PLCB4: variants seen among roughly 807,000 people sequenced by gnomAD.
PLCB4 encodes 1-phosphatidylinositol 4,5-bisphosphate phosphodiesterase beta-4.
A neutral mutation model predicts 178.8 loss-of-function variants in PLCB4; 77 were observed. That is an observed-to-expected ratio of 0.43 (90% CI 0.36 to 0.52). PLCB4 has a LOEUF of 0.52. PLCB4 is among the 20% of genes least tolerant of loss of function. The probability of loss-of-function intolerance (pLI) is 0.00; values close to 1 mark genes in which losing one functional copy is unlikely to be tolerated. For missense variants in PLCB4, 1,024 were observed against 1,453.4 expected (o/e 0.70, Z 4.80); for synonymous variants, 496 against 490.8 (o/e 1.01, Z -0.14).
intron 2 of PLCB4, among the ~76,000 whole-genome samples, chr20:9,202,021 A>C (rs1339391554): frequency 1.3e-5 from 2 of 152,352 alleles, no homozygotes; most frequent in Middle Eastern, 3.4e-3. Context: ...AATATCTGGC[A>C]TATCCATACA....
chr20:9,350,863 G>A (rs2034268235), intron 7 of PLCB4, among the ~76,000 whole-genome samples: 1 of 152,304 alleles, frequency 6.6e-6, no homozygotes, highest in East Asian at 1.9e-4. Flanking sequence ...CAGCCAGTTG[G>A]CTGATTTAGC....
chr20:9,265,689 T>A (rs2094342609), intron 3 of PLCB4, among the ~76,000 whole-genome samples: 1 of 152,184 alleles, frequency 6.6e-6, no homozygotes, highest in Non-Finnish European at 1.5e-5. Flanking sequence ...TGGAGAATAT[T>A]AATCTCAGGT....
chr20:9,327,165 G>A (rs924467326), intron 4 of PLCB4, among the ~76,000 whole-genome samples: 1 of 151,320 alleles, frequency 6.6e-6, no homozygotes, highest in African/African-American at 2.5e-5. Flanking sequence ...TGGGCCAGGT[G>A]CAGTGGCTCA....
chr20:9,230,023 T>G (rs2147344983), intron 3 of PLCB4, among the ~76,000 whole-genome samples: 1 of 152,308 alleles, frequency 6.6e-6, no homozygotes, highest in South Asian at 2.1e-4. Context: ...AACCCACAGT[T>G]CTGGAGGCCA....
intron 2 of PLCB4, among the ~76,000 whole-genome samples, chr20:9,117,534 C>T (rs2091821585): frequency 1.3e-5 from 2 of 152,182 alleles, no homozygotes; most frequent in African/African-American, 4.8e-5. Flanking sequence ...CCAGAATTAT[C>T]TTCAAAAATT....
At chr20:9,458,072 G>A (rs2043162733) in intron 34 of PLCB4, among the ~76,000 whole-genome samples, 1 of 150,582 alleles carries the variant, frequency 6.6e-6, no homozygotes, top group South Asian at 2.1e-4. Flanking sequence ...TTCCAGCAAT[G>A]ATAGTTTTTA....
chr20:9,394,615 G>A (rs902261936), intron 18 of PLCB4, among the ~76,000 whole-genome samples: 6 of 152,056 alleles, frequency 3.9e-5, no homozygotes, highest in African/African-American at 1.2e-4. Context: ...ATTTATTATA[G>A]CATGATGTAA....
At position 9,453,346 on chromosome 20, in the gene PLCB4, G is replaced by A; in HGVS notation, c.2881-1G>A. 1 of 1,586,276 alleles carries A rather than the reference G, an allele frequency of 6.3e-7. No individual in the cohort carries two copies. Among genetic ancestry groups the A allele is most frequent in the Non-Finnish European group, 8.7e-7 (1 of 1,155,706 alleles). ...CATAACTGCAAATCCTTCTTGTTCA[G>A]GAACACAGTACCATGCAGAAGTTAC... On this transcript the variant is annotated splice_acceptor_variant, in intron 32 of 39. Transcript: ENST00000378473. LOFTEE classifies it high-confidence loss of function.
intron 17 of PLCB4, among the ~76,000 whole-genome samples, chr20:9,393,188 G>A (rs1423495156): frequency 6.6e-6 from 1 of 152,104 alleles, no homozygotes; most frequent in Non-Finnish European, 1.5e-5. Context: ...CACTTGGGGG[G>A]ATCTGGGGGG....
At chr20:9,449,898 C>T (rs2042646424) in intron 32 of PLCB4, among the ~76,000 whole-genome samples, 1 of 152,148 alleles carries the variant, frequency 6.6e-6, no homozygotes, top group South Asian at 2.1e-4. Flanking sequence ...AGCAGTTGCC[C>T]TCAGAGTCCG....
chr20:9,412,163 C>T (rs1438768421), intron 25 of PLCB4, among the ~76,000 whole-genome samples: 2 of 152,224 alleles, frequency 1.3e-5, no homozygotes, highest in African/African-American at 4.8e-5. Flanking sequence ...AGAGAAAGAT[C>T]TGAATTCATA....
intron 3 of PLCB4, among the ~76,000 whole-genome samples, chr20:9,248,582 A>T (rs1471970336): frequency 1.3e-5 from 2 of 152,248 alleles, no homozygotes; most frequent in Non-Finnish European, 2.9e-5. Flanking sequence ...AGATTAACTT[A>T]GTAAAAATTA....
intron 10 of PLCB4, among the ~76,000 whole-genome samples, chr20:9,371,970 T>C (rs1232453691): frequency 1.3e-5 from 2 of 152,194 alleles, no homozygotes; most frequent in Admixed American, 1.3e-4. Context: ...TCAGCATCCC[T>C]CAGGCAGGCA....
At chr20:9,122,517 C>T (rs1215664745) in intron 2 of PLCB4, among the ~76,000 whole-genome samples, 2 of 152,064 alleles carry the variant, frequency 1.3e-5, no homozygotes, top group Non-Finnish European at 2.9e-5. Flanking sequence ...CATTTCTACT[C>T]CTCTTCACAA....
chr20:9,454,688 G>A (rs77955283), intron 33 of PLCB4, among the ~76,000 whole-genome samples: 3,172 of 152,224 alleles, frequency 0.021, 95 homozygotes, highest in African/African-American at 0.073. Flanking sequence ...TCATATTGCC[G>A]AAATTTCAGA....
chr20:9,228,368 C>G (rs897566496), intron 3 of PLCB4, among the ~76,000 whole-genome samples: 1 of 152,122 alleles, frequency 6.6e-6, no homozygotes, highest in Non-Finnish European at 1.5e-5. Flanking sequence ...ACATTTGTTT[C>G]CAGTATGTTT....
At chr20:9,443,922 C>G in intron 30 of PLCB4, 59 bp from the exon 31 acceptor site, 1 of 931,174 alleles carries the variant, frequency 1.1e-6, no homozygotes, top group Non-Finnish European at 1.7e-6. Context: ...TTCTATATTA[C>G]CAGTTATTCT....
chr20:9,306,113 C>G (rs140739964), intron 3 of PLCB4, among the ~76,000 whole-genome samples: 1 of 151,884 alleles, frequency 6.6e-6, no homozygotes, highest in Non-Finnish European at 1.5e-5. Context: ...GTAAACCTTT[C>G]CTTTCTATTT....
At chr20:9,122,842 G>A (rs1020555792) in intron 2 of PLCB4, among the ~76,000 whole-genome samples, 8 of 152,114 alleles carry the variant, frequency 5.3e-5, no homozygotes, top group African/African-American at 1.7e-4. Context: ...CATTGGGCTT[G>A]CAGTTTAAAA....
Sources: gnomAD v4.1 joint callset for allele counts (sites outside exome capture counted in the v4.1 genomes callset) on GRCh38, gnomAD v4.1.1 for gene constraint, MANE v1.5 for transcripts, NCBI Gene and HGNC (gene_info 2026-07-23, HGNC 2026-07-21) for gene names.